The following NUP214 variants were observed in gnomAD, a reference collection of about 807,000 sequenced individuals.
NUP214 encodes the protein nucleoporin 214, also known as nuclear pore complex protein Nup214.
Under a neutral mutation model 196.2 loss-of-function variants are expected in NUP214, and 79 were observed. That is an observed-to-expected ratio of 0.40 (90% CI 0.34 to 0.49). NUP214 has a LOEUF of 0.49. Ranked by LOEUF, NUP214 falls within the 20% of genes least tolerant of loss-of-function variation. The pLI is 0.58. For synonymous variants in NUP214, 1,020 were observed against 990.5 expected (o/e 1.03, Z -0.56); for missense variants, 2,468 against 2,539.0 (o/e 0.97, Z 0.60).
chr9:131,213,606 C>T (rs564903351), intron 30 of NUP214, among the ~76,000 whole-genome samples: 7 of 152,294 alleles, frequency 4.6e-5, no homozygotes, highest in African/African-American at 1.7e-4. Flanking sequence ...AGTCAAATAC[C>T]TTCCACATGC....
rs748853278 is a variant in NUP214 at position 131,198,069 on chromosome 9, G to C, written c.4575G>C (p.Gln1525His). 2.5e-6 allele frequency: 4 copies of C among 1,614,070 alleles called. No individual in the cohort carries two copies. Among genetic ancestry groups the C allele is most frequent in the Non-Finnish European group, 3.4e-6 (4 of 1,180,020 alleles). The stretch of plus-strand genomic sequence containing the variant: ...TTCTAGAGGAGCAACAGTCAGCCCA[G>C]CTTCCCCAGGCTCCTCCGCAAACTT... ...ASLLEEQQSA[Q>H]LPQAPPQTSD... The change falls in exon 29 of 36, where the codon CAG becomes CAC. Residue 1525 changes from glutamine to histidine, a missense_variant. By Grantham distance (24) the Gln-to-His change is conservative (BLOSUM62 0). Around this residue, in one of 5 missense-constraint regions of NUP214, gnomAD observed 1,801 missense variants for 1,779.4 expected, o/e 1.01. Transcript: ENST00000359428.
chr9:131,225,218 G>T (rs1834688375), intron 32 of NUP214, among the ~76,000 whole-genome samples: 2 of 151,952 alleles, frequency 1.3e-5, no homozygotes, highest in South Asian at 4.1e-4. Context: ...TTTGAAACCA[G>T]CCTGGATAAC....
intron 4 of NUP214, among the ~76,000 whole-genome samples, chr9:131,130,137 G>GTTTTGTTTTTTTTTTTTTT (rs1564176236): frequency 3.9e-5 from 3 of 76,928 alleles, no homozygotes; most frequent in African/African-American, 1.0e-4. Context: ...TTCTGGTTTT[G>GTTTTGTTTTTTTTTTTTTT]TTTTTTTTTT....
At chr9:131,203,538 T>C (rs1285788582) in intron 30 of NUP214, among the ~76,000 whole-genome samples, 1 of 152,218 alleles carries the variant, frequency 6.6e-6, no homozygotes, top group Non-Finnish European at 1.5e-5. Context: ...ATGTTTCTTA[T>C]ACATCTTCAG....
Position 131,133,105 on chromosome 9 carries a change from G to T in NUP214, c.728-1G>T. The T allele has an allele frequency of 6.2e-7, 1 of 1,609,874 alleles. No individual in the cohort carries two copies. The highest frequency in any genetic ancestry group is 8.5e-7 in the Non-Finnish European group (1 of 1,177,222). On this transcript the variant is annotated splice_acceptor_variant, in intron 6 of 35. Coordinates refer to ENST00000359428, the MANE Select transcript of NUP214 (RefSeq NM_005085.4). LOFTEE classifies it high-confidence loss of function. The stretch of plus-strand genomic sequence containing the variant: ...GCTACTGATTAAGATGTGTCTTTCA[G>T]TTCTGGATGTGCTGTGGATTGGTAC...
intron 13 of NUP214, 49 bp from the exon 14 acceptor site, chr9:131,147,441 A>G: frequency 7.5e-7 from 1 of 1,327,886 alleles, no homozygotes; most frequent in Middle Eastern, 1.8e-4. Flanking sequence ...GATAGGAGAA[A>G]TAAAGGTAAT....
chr9:131,135,049 A>T (rs1588124333), intron 8 of NUP214, 45 bp downstream of exon 8: 1 of 1,286,190 alleles, frequency 7.8e-7, no homozygotes, highest in Non-Finnish European at 1.1e-6. Flanking sequence ...TCACTGGAAG[A>T]TCACACCTGA....
intron 18 of NUP214, among the ~76,000 whole-genome samples, chr9:131,162,559 A>G (rs1832672588): frequency 6.6e-6 from 1 of 152,098 alleles, no homozygotes; most frequent in Non-Finnish European, 1.5e-5. Context: ...TTTCTTGACA[A>G]TAGTCTGAAG....
At chr9:131,185,320 A>G (rs1833423524) in intron 24 of NUP214, among the ~76,000 whole-genome samples, 1 of 152,196 alleles carries the variant, frequency 6.6e-6, no homozygotes. Flanking sequence ...ATTTTTCTCC[A>G]AGAACCCGAG....
chr9:131,195,318 A>G (rs1833742486), intron 28 of NUP214, 24 bp downstream of exon 28: 1 of 1,576,358 alleles, frequency 6.3e-7, no homozygotes, highest in Non-Finnish European at 8.7e-7. Flanking sequence ...GTTGAGTAGC[A>G]TTACTCATGT....
intron 24 of NUP214, among the ~76,000 whole-genome samples, chr9:131,181,575 C>T (rs886746127): frequency 6.6e-6 from 1 of 152,184 alleles, no homozygotes. Context: ...TTGCATTTCC[C>T]TAATGGCTGG....
chr9:131,130,679 T>G, intron 4 of NUP214, 87 bp from the exon 5 acceptor site: 495 of 1,196,578 alleles, frequency 4.1e-4, no homozygotes, highest in Non-Finnish European at 5.4e-4. Context: ...GACAGAGGAA[T>G]GAGAATTGAT....
chr9:131,145,111 CCT>C (rs1832050974), intron 12 of NUP214, among the ~76,000 whole-genome samples: 1 of 151,966 alleles, frequency 6.6e-6, no homozygotes, highest in South Asian at 2.1e-4. Context: ...TTTTTTCCTC[CCT>C]GTGTCTACCC....
At chr9:131,161,892 C>T (rs560873641) in intron 18 of NUP214, among the ~76,000 whole-genome samples, 26 of 152,352 alleles carry the variant, frequency 1.7e-4, no homozygotes, top group Non-Finnish European at 3.5e-4. Flanking sequence ...TCCTAGACCA[C>T]AGTACCATAC....
At chr9:131,185,705 A>T (rs1833433301) in intron 24 of NUP214, among the ~76,000 whole-genome samples, 1 of 151,906 alleles carries the variant, frequency 6.6e-6, no homozygotes, top group Non-Finnish European at 1.5e-5. Flanking sequence ...TTGATAAGAG[A>T]TTTATTGGAT....
chr9:131,177,106 TAG>T (rs775461960), intron 23 of NUP214, among the ~76,000 whole-genome samples: 3 of 152,320 alleles, frequency 2.0e-5, no homozygotes, highest in Non-Finnish European at 2.9e-5. Flanking sequence ...CTTATCAATT[TAG>T]AGTTTTTTTT....
intron 10 of NUP214, 23 bp downstream of exon 10, chr9:131,139,430 T>G (rs769509145): frequency 5.0e-6 from 8 of 1,600,178 alleles, no homozygotes; most frequent in Admixed American, 1.8e-5. Flanking sequence ...TGGTAGTTAG[T>G]GCAGAAATAG....
At position 131,198,829 on chromosome 9, in the gene NUP214, A is replaced by G. The variant is rs1245120014; in HGVS notation, c.5335A>G (p.Ser1779Gly). The G allele has an allele frequency of 6.2e-7, 1 of 1,614,206 alleles. No individual in the cohort carries two copies. The highest frequency in any genetic ancestry group is 1.1e-5 in the South Asian group (1 of 91,088). Residue 1779 changes from serine (S) to glycine (G), a missense_variant, in exon 29 of 36, where the codon AGT becomes GGT. By Grantham distance (56) the Ser-to-Gly change is moderately conservative. This residue lies in a region of NUP214 where 1,801 missense variants were observed against 1,779.4 expected (regional missense o/e 1.01). Transcript: ENST00000359428. The stretch of plus-strand genomic sequence containing the variant: ...TGTCTTTGGTGCCGCCTCAAGTACC[A>G]GTAGCTCCAGTTCCTTCTCATTTGG... Reference protein sequence around the residue: ...GSVFGAASSTSSSSSFSFGQS... With the variant: ...GSVFGAASSTGSSSSFSFGQS...
At chr9:131,175,302 A>G in intron 22 of NUP214, among the ~76,000 whole-genome samples, 158 bp from the exon 23 acceptor site, 1 of 152,226 alleles carries the variant, frequency 6.6e-6, no homozygotes, top group East Asian at 1.9e-4. Flanking sequence ...GATAACTGAA[A>G]GATATAGATG....
Sources: allele counts gnomAD v4.1 joint callset (sites outside exome capture counted in the v4.1 genomes callset), GRCh38; gene constraint gnomAD v4.1.1; regional missense constraint gnomAD v4.1.1; transcripts MANE v1.5; gene names NCBI Gene and HGNC (gene_info 2026-07-23, HGNC 2026-07-21).